The following AQP7 variants were observed in gnomAD, a reference collection of about 807,000 sequenced individuals.
AQP7 encodes the protein aquaporin-7.
A neutral mutation model predicts 26.1 loss-of-function variants in AQP7; 22 were observed. The ratio of observed to expected loss-of-function variants is 0.84; its 90% CI spans 0.60 to 1.20. The LOEUF (loss-of-function observed/expected upper bound fraction) is 1.20. Ranked by LOEUF, AQP7 falls within the 50% of genes most tolerant of loss-of-function variation. The pLI, the probability that AQP7 is intolerant of heterozygous loss-of-function variation, is 0.00. For synonymous variants in AQP7, 167 were observed against 181.7 expected, an observed-to-expected ratio of 0.92 and a Z score of 0.65; for missense variants, 412 against 457.5, an observed-to-expected ratio of 0.90 and a Z score of 0.91.
Position 33,385,785 on chromosome 9 carries a change from C to T in AQP7, c.607G>A (p.Ala203Thr). Residue 203 changes from alanine to threonine, a missense_variant, in exon 7 of 8, where the codon GCG becomes ACG. Coordinates refer to ENST00000297988, the MANE Select transcript of AQP7 (RefSeq NM_001170.3). ...ACCACGAGGATGCCTATCACCAGCG[C>T]CTCTGTTCCTGGCAGTGCTGGGTTG... ...ENNPALPGTE[A>T]LVIGILVVII... The T allele has an allele frequency of 1.9e-6, 3 of 1,613,358 alleles. No homozygotes were observed. Among genetic ancestry groups the T allele is most frequent in the Non-Finnish European group, 2.5e-6 (3 of 1,179,978 alleles).
At chr9:33,400,116 T>C (rs150264674) in intron 2 of AQP7, among the ~76,000 whole-genome samples, 3 of 152,186 alleles carry the variant, frequency 2.0e-5, no homozygotes, top group African/African-American at 2.4e-5. Context: ...TGGAGAGCGA[T>C]GTAGGCTAGA....
intron 3 of AQP7, among the ~76,000 whole-genome samples, chr9:33,391,829 C>G (rs576833431): frequency 6.6e-6 from 1 of 152,196 alleles, no homozygotes; most frequent in Non-Finnish European, 1.5e-5. Flanking sequence ...TGTCTTCAAT[C>G]CTCACAGCAA....
chr9:33,399,037 A>C (rs1425333802), intron 2 of AQP7, among the ~76,000 whole-genome samples: 1 of 148,706 alleles, frequency 6.7e-6, no homozygotes, highest in Non-Finnish European at 1.5e-5. Context: ...GTGGTGGCAC[A>C]GTCACAGCTC....
intron 3 of AQP7, among the ~76,000 whole-genome samples, chr9:33,392,446 C>T (rs1825494834): frequency 6.6e-6 from 1 of 152,060 alleles, no homozygotes. Flanking sequence ...CTTCACAGGG[C>T]TATTGCGAGG....
chr9:33,396,438 CAAAAAAAAAAA>C (rs3055483), intron 2 of AQP7, among the ~76,000 whole-genome samples: 2 of 30,910 alleles, frequency 6.5e-5, no homozygotes, highest in East Asian at 8.8e-4. Flanking sequence ...GACTCCATCT[CAAAAAAAAAAA>C]AAAAAAAAAA....
At chr9:33,392,369 GC>G (rs1219856648) in intron 3 of AQP7, among the ~76,000 whole-genome samples, 1 of 152,018 alleles carries the variant, frequency 6.6e-6, no homozygotes, top group Middle Eastern at 3.2e-3. Context: ...GTGACCTTGG[GC>G]AAAAGGCTTA....
At chr9:33,386,035 G>A (rs777059994) in intron 6 of AQP7, 42 bp downstream of exon 6, 14 of 1,610,868 alleles carry the variant, frequency 8.7e-6, no homozygotes, top group Non-Finnish European at 2.5e-6. Flanking sequence ...CGTCCTGAGG[G>A]GTGGAGGGCA....
intron 2 of AQP7, chr9:33,401,020 A>T (rs565944180): frequency 3.4e-6 from 2 of 584,128 alleles, no homozygotes; most frequent in African/African-American, 3.7e-5. Context: ...TCATCCAAGT[A>T]TTTCTGAGCC....
chr9:33,389,834 C>T (rs1825213364), intron 3 of AQP7, among the ~76,000 whole-genome samples: 1 of 151,898 alleles, frequency 6.6e-6, no homozygotes, highest in Admixed American at 6.6e-5. Flanking sequence ...GTCAGGAGTT[C>T]AAGACCAGCA....
intron 1 of AQP7, among the ~76,000 whole-genome samples, chr9:33,402,049 C>T (rs1437234969): frequency 2.0e-5 from 3 of 152,136 alleles, no homozygotes; most frequent in Admixed American, 2.0e-4. Flanking sequence ...TGGTCTTCAG[C>T]TCTCTCCTCG....
At chr9:33,387,685 C>T (rs4008654) in intron 3 of AQP7, among the ~76,000 whole-genome samples, 3,308 of 150,298 alleles carry the variant, frequency 0.022, 51 homozygotes, top group East Asian at 0.043. Flanking sequence ...CAGATAATGA[C>T]GCCTTCACAG....
chr9:33,390,134 C>T (rs557926650), intron 3 of AQP7, among the ~76,000 whole-genome samples: 39 of 152,134 alleles, frequency 2.6e-4, no homozygotes, highest in South Asian at 2.5e-3. Context: ...AACATGATCC[C>T]GCGAAGGGGC....
At chr9:33,401,695 G>A (rs199811555) in intron 1 of AQP7, 18 of 244,368 alleles carry the variant, frequency 7.4e-5, no homozygotes, top group African/African-American at 2.9e-4. Context: ...ACACATGCAC[G>A]CATGCACACA....
At chr9:33,387,658 C>T (rs1279357517) in intron 3 of AQP7, among the ~76,000 whole-genome samples, 2 of 152,068 alleles carry the variant, frequency 1.3e-5, no homozygotes, top group African/African-American at 4.8e-5. Context: ...GCTTCTTGCC[C>T]ATCCCTCACG....
In AQP7 at chr9:33,384,831, A is replaced by T. The variant is rs1295223582; in HGVS notation, c.*174T>A. On this transcript the variant is annotated 3_prime_UTR_variant, in exon 8 of 8. Coordinates refer to ENST00000297988, the MANE Select transcript of AQP7 (RefSeq NM_001170.3). The stretch of plus-strand genomic sequence containing the variant: ...CCTGGGGCACCCCAGTTCCCAGGGC[A>T]TGAAAGACTTGAGGTGCCTCACCTC... The T allele has an allele frequency of 4.2e-6, 3 of 722,062 alleles. No homozygotes were observed. The highest frequency in any genetic ancestry group is 1.8e-5 in the African/African-American group (1 of 56,502). 44.7% of individuals were successfully genotyped at this position (722,062 alleles called of 1,614,324 possible). A position where few individuals can be genotyped will look rare whatever the true frequency, so the allele number is the denominator to read the frequency against.
intron 2 of AQP7, 32 bp downstream of exon 2, chr9:33,401,205 G>C: frequency 6.5e-7 from 1 of 1,548,390 alleles, no homozygotes; most frequent in Non-Finnish European, 8.7e-7. Context: ...AGGACAGGGG[G>C]CTGGAGGGTG....
chr9:33,388,204 C>T (rs1176972645), intron 3 of AQP7, among the ~76,000 whole-genome samples: 4 of 152,328 alleles, frequency 2.6e-5, no homozygotes, highest in East Asian at 1.9e-4. Flanking sequence ...GTTCCGCGGG[C>T]GTCTCAGGCT....
At chr9:33,394,699 T>C (rs2118840411) in intron 3 of AQP7, among the ~76,000 whole-genome samples, 1 of 152,134 alleles carries the variant, frequency 6.6e-6, no homozygotes, top group Admixed American at 6.5e-5. Flanking sequence ...GGTTTCACCA[T>C]GTTGGCCAGG....
At chr9:33,394,850 C>T (rs1225985526) in intron 3 of AQP7, among the ~76,000 whole-genome samples, 1 of 152,046 alleles carries the variant, frequency 6.6e-6, no homozygotes, top group Non-Finnish European at 1.5e-5. Context: ...CAGCCGTGCC[C>T]CGGATACCCC....
Sources: gnomAD v4.1 joint callset for allele counts (sites outside exome capture counted in the v4.1 genomes callset) on GRCh38, gnomAD v4.1.1 for gene constraint, MANE v1.5 for transcripts, NCBI Gene and HGNC (gene_info 2026-07-23, HGNC 2026-07-21) for gene names.